Variants in DAGLA observed in about 807,000 individuals in gnomAD.
DAGLA encodes diacylglycerol lipase alpha.
DAGLA carries 22 observed loss-of-function variants against 102.6 expected under a neutral mutation model. That is an observed-to-expected ratio of 0.21 (90% CI 0.15 to 0.31). DAGLA has a LOEUF of 0.31. DAGLA is among the 10% of genes least tolerant of loss of function. The pLI, the probability that DAGLA is intolerant of heterozygous loss-of-function variation, is 1.00. For missense variants in DAGLA, 927 were observed against 1,446.6 expected, an observed-to-expected ratio of 0.64 and a Z score of 5.83; for synonymous variants, 578 against 628.9, an observed-to-expected ratio of 0.92 and a Z score of 1.21.
In DAGLA at chr11:61,723,582, C is replaced by A; in HGVS notation, c.548+10C>A. On this transcript the variant is annotated intron_variant, in intron 5 of 19. Transcript: ENST00000257215. Reference sequence around the variant, plus strand: ...GGACCTACAACCTGCGGTCAGTCAGCGGGCTGGGTGGGCAGTCCCAGGGTG... The same window carrying A: ...GGACCTACAACCTGCGGTCAGTCAGAGGGCTGGGTGGGCAGTCCCAGGGTG... The A allele has an allele frequency of 1.2e-6, 2 of 1,610,966 alleles. No individual in the cohort carries two copies. Among genetic ancestry groups the A allele is most frequent in the Non-Finnish European group, 1.7e-6 (2 of 1,177,576 alleles).
chr11:61,724,811 C>A lies in DAGLA; in HGVS notation c.549-1184C>A, dbSNP rs1001007015. ...TGGCCAGCACACTGTCCCTTCATGC[C>A]CCAGAAGGTGGGACATTGGTTTAGG... On this transcript the variant is annotated intron_variant, in intron 5 of 19. Transcript: ENST00000257215. Among the ~76,000 whole-genome samples, 3 of 152,170 alleles carry A rather than the reference C, an allele frequency of 2.0e-5. No homozygotes were observed. In the South Asian group the frequency reaches 6.2e-4, roughly 32 times the overall value.
At chr11:61,723,038 G>A in intron 4 of DAGLA, 78 bp downstream of exon 4, 1 of 1,232,652 alleles carries the variant, frequency 8.1e-7, no homozygotes, top group Non-Finnish European at 1.2e-6. Flanking sequence ...AGAGGAAGAA[G>A]CTTGGGCATT....
At chr11:61,739,687 G>A (rs753755735) in intron 17 of DAGLA, 26 bp downstream of exon 17, 1 of 1,607,970 alleles carries the variant, frequency 6.2e-7, no homozygotes, top group Non-Finnish European at 8.5e-7. Flanking sequence ...GTCTGCTGCT[G>A]CAGGGGGTAG....
Position 61,694,460 on chromosome 11 carries a change from G to A in DAGLA, c.-45+13956G>A, listed in dbSNP as rs2065047880. ...GAGACCAATGCTGGGACATGAGAGC[G>A]ATCCACCACCCATAGCAGAGGGCCG... is the stretch of plus-strand genomic sequence containing the variant. On this transcript the variant is annotated intron_variant, in intron 1 of 19. Coordinates refer to ENST00000257215, the MANE Select transcript of DAGLA (RefSeq NM_006133.3). Among the ~76,000 whole-genome samples, 2 of 152,206 alleles carry A rather than the reference G, an allele frequency of 1.3e-5. 1 individual carries two copies. The highest frequency in any genetic ancestry group is 4.1e-4 in the South Asian group (2 of 4,832).
At chr11:61,729,044 C>A in intron 8 of DAGLA, 36 bp downstream of exon 8, 1 of 1,572,950 alleles carries the variant, frequency 6.4e-7, no homozygotes, top group Non-Finnish European at 8.8e-7. Context: ...CACCCCGTCC[C>A]CATCCCTCCC....
chr11:61,694,399 C>G (rs1398701208), intron 1 of DAGLA, among the ~76,000 whole-genome samples: 1 of 152,252 alleles, frequency 6.6e-6, no homozygotes, highest in Middle Eastern at 3.2e-3. Context: ...ACTGCTGTCC[C>G]CACAGCCAGG....
At position 61,684,629 on chromosome 11, in the gene DAGLA, C is replaced by T. The variant is rs1220895037; in HGVS notation, c.-45+4125C>T. ...GTTTTCATGGGGTGTTTGGCAGGAA[C>T]GCCTAAGTCCTCTAGATGGGGATGG... On this transcript the variant is annotated intron_variant, in intron 1 of 19. Transcript: ENST00000257215. This position sits in a 1 kb window ranked among gnomAD's most constrained non-coding sequence, Gnocchi z 4.5. Among the ~76,000 whole-genome samples the T allele has an allele frequency of 3.9e-5, 6 of 152,088 alleles. No homozygotes were observed. The highest frequency in any genetic ancestry group is 6.5e-5 in the Admixed American group (1 of 15,272).
At chr11:61,721,875 A>G (rs953519122) in intron 3 of DAGLA, among the ~76,000 whole-genome samples, 2 of 152,228 alleles carry the variant, frequency 1.3e-5, no homozygotes, top group African/African-American at 4.8e-5. Flanking sequence ...AAGCGTGTAA[A>G]TGTCGGAGCT....
At position 61,743,689 on chromosome 11, in the gene DAGLA, C is replaced by G; in HGVS notation, c.2329C>G (p.Leu777Val). ...AAELQARRAP[L>V]ATMESLSDTE... is the part of the protein sequence containing the mutation. ...GGAGCTGCAGGCCCGGCGGGCACCA[C>G]TGGCCACCATGGAGAGCCTCTCGGA... Residue 777 changes from leucine to valine, a missense_variant, in exon 20 of 20, where the codon CTG (leucine) becomes GTG (valine). This residue lies in a region of DAGLA where 434 missense variants were observed against 503.3 expected (regional missense o/e 0.86). Coordinates refer to ENST00000257215, the MANE Select transcript of DAGLA (RefSeq NM_006133.3). 1 of 1,602,968 alleles carries G rather than the reference C, an allele frequency of 6.2e-7. No homozygotes were observed. The highest frequency in any genetic ancestry group is 8.5e-7 in the Non-Finnish European group (1 of 1,176,714).
intron 1 of DAGLA, among the ~76,000 whole-genome samples, chr11:61,710,128 T>C (rs2065181524): frequency 1.3e-5 from 2 of 151,990 alleles, no homozygotes; most frequent in South Asian, 4.1e-4. Flanking sequence ...AGGTACTAAT[T>C]CTTCACTGAG....
At chr11:61,701,874 A>C (rs2065112447) in intron 1 of DAGLA, among the ~76,000 whole-genome samples, 1 of 152,148 alleles carries the variant, frequency 6.6e-6, no homozygotes, top group South Asian at 2.1e-4. Context: ...TCCCCAGCTC[A>C]AGTGATCCTC....
At chr11:61,737,536 G>A (rs561181732) in intron 14 of DAGLA, 151 bp from the exon 15 acceptor site, 3 of 1,025,700 alleles carry the variant, frequency 2.9e-6, no homozygotes, top group Admixed American at 3.8e-5. Context: ...GACAGAGCAG[G>A]GAGCAGGCAA....
rs2065540251 is a variant in DAGLA at position 61,746,499 on chromosome 11, C to T, written c.*2010C>T. ...CAGGACGAGCCATCAGGGACAGACC[C>T]CCCACCCCCAAGGCTGCAGCCACAC... On this transcript the variant is annotated 3_prime_UTR_variant, in exon 20 of 20. Coordinates refer to ENST00000257215, the MANE Select transcript of DAGLA (RefSeq NM_006133.3). 1 of 152,562 alleles carries T rather than the reference C, an allele frequency of 6.6e-6. No homozygotes were observed. The highest frequency in any genetic ancestry group is 2.4e-5 in the African/African-American group (1 of 41,450). 9.5% of individuals were successfully genotyped at this position (152,562 alleles called of 1,614,324 possible). A position where few individuals can be genotyped will look rare whatever the true frequency, so the allele number is the denominator to read the frequency against.
chr11:61,728,846 G>A lies in DAGLA; in HGVS notation c.772-85G>A, dbSNP rs981459702. The stretch of plus-strand genomic sequence containing the variant: ...GCTTCTCGGCCTTTGGGAAGCAGGC[G>A]GACGCCAGGGCCTGGGCCCCCTTTC... On this transcript the variant is annotated intron_variant, in intron 7 of 19. Transcript: ENST00000257215. 3.1e-5 allele frequency: 38 copies of A among 1,210,338 alleles called. No individual in the cohort carries two copies. The Admixed American group carries it at 4.4e-4, about 14-fold the overall frequency. 75.0% of individuals were successfully genotyped at this position (1,210,338 alleles called of 1,614,324 possible). A position where few individuals can be genotyped will look rare whatever the true frequency, so the allele number is the denominator to read the frequency against.
Position 61,744,009 on chromosome 11 carries a change from C to T in DAGLA, c.2649C>T (p.Gly883=), listed in dbSNP as rs1247611795. 1.4e-5 allele frequency: 22 copies of T among 1,611,814 alleles called. No homozygotes were observed. In the East Asian group the frequency reaches 2.0e-4, roughly 15 times the overall value. The change falls in exon 20 of 20, where the codon GGC becomes GGT. Residue 883 remains glycine (G), a synonymous_variant. Transcript: ENST00000257215. ...CCAATGACGAGGAGGAAGAGGTTGG[C>T]GGTGGGGGTGGCGGGCCGGCCTCCC... is the stretch of plus-strand genomic sequence containing the variant. ...AAANDEEEEV[G]GGGGGPASRG... is the part of the protein sequence containing the mutation.
At chr11:61,718,874 GC>G (rs2065259062) in intron 1 of DAGLA, among the ~76,000 whole-genome samples, 1 of 152,196 alleles carries the variant, frequency 6.6e-6, no homozygotes, top group South Asian at 2.1e-4. Flanking sequence ...CACCCTGGGG[GC>G]TATGCCCACT....
At chr11:61,705,039 G>A (rs769699827) in intron 1 of DAGLA, among the ~76,000 whole-genome samples, 1 of 152,116 alleles carries the variant, frequency 6.6e-6, no homozygotes, top group African/African-American at 2.4e-5. Flanking sequence ...CTGAGACTGG[G>A]GGGAGGGGGA....
Position 61,686,889 on chromosome 11 carries a change from G to C in DAGLA, c.-45+6385G>C, listed in dbSNP as rs892853412. Among the ~76,000 whole-genome samples, 1 of 152,138 alleles carries C rather than the reference G, an allele frequency of 6.6e-6. No homozygotes were observed. The highest frequency in any genetic ancestry group is 1.5e-5 in the Non-Finnish European group (1 of 68,018). On this transcript the variant is annotated intron_variant, in intron 1 of 19. Transcript: ENST00000257215. The surrounding 1 kb of genome is among the most constrained non-coding windows in gnomAD (Gnocchi z 5.2). ...CTGCTCCTGATGGGCAGGCCACACC[G>C]TGGAGTGGGCTCCCTGGGGCTGCAC...
intron 1 of DAGLA, among the ~76,000 whole-genome samples, chr11:61,692,205 A>G (rs1289583598): frequency 1.3e-5 from 2 of 152,162 alleles, no homozygotes; most frequent in East Asian, 1.9e-4. Context: ...CAGCTTCAGC[A>G]TCACCTGGGA....
Sources: allele counts gnomAD v4.1 joint callset (sites outside exome capture counted in the v4.1 genomes callset), GRCh38; gene constraint gnomAD v4.1.1; regional missense constraint gnomAD v4.1.1; non-coding constraint Gnocchi (gnomAD v3.1); transcripts MANE v1.5; gene names NCBI Gene and HGNC (gene_info 2026-07-23, HGNC 2026-07-21).